The following FSIP2 variants were observed in gnomAD, a reference collection of about 807,000 sequenced individuals.
FSIP2 encodes fibrous sheath interacting protein 2.
A neutral mutation model predicts 510.5 loss-of-function variants in FSIP2; 367 were observed. That is an observed-to-expected ratio of 0.72 (90% confidence interval 0.66 to 0.78). The LOEUF (loss-of-function observed/expected upper bound fraction) is 0.78. Among genes scored for constraint, FSIP2 ranks in the 30% least tolerant of loss-of-function variants. The pLI, the probability that FSIP2 is intolerant of heterozygous loss-of-function variation, is 0.00. For missense variants in FSIP2, 7,594 were observed against 7,901.7 expected (o/e 0.96, Z 1.48); for synonymous variants, 2,601 against 2,732.2 (o/e 0.95, Z 1.50).
chr2:185,772,044 G>C (rs1692616917), intron 13 of FSIP2, among the ~76,000 whole-genome samples: 2 of 152,192 alleles, frequency 1.3e-5, no homozygotes, highest in South Asian at 4.1e-4. Context: ...ATGCAGTCAA[G>C]CTCTTTGCTA....
intron 17 of FSIP2, among the ~76,000 whole-genome samples, chr2:185,812,325 G>T (rs2105664511): frequency 6.6e-6 from 1 of 152,246 alleles, no homozygotes; most frequent in African/African-American, 2.4e-5. Flanking sequence ...TTTTGGACTT[G>T]TTTGAGGCCT....
At position 185,804,696 on chromosome 2, in the gene FSIP2, C is replaced by A; in HGVS notation, c.15390C>A (p.Phe5130Leu). Reference protein sequence around the residue: ...DMVYRLLGHVFPSTHTENELK... With the variant: ...DMVYRLLGHVLPSTHTENELK... ...TTTACAGGCTTCTAGGGCATGTCTTCCCTTCAACTCACACTGAAAATGAAC... is the reference window on the plus strand; with the variant it reads ...TTTACAGGCTTCTAGGGCATGTCTTACCTTCAACTCACACTGAAAATGAAC... Residue 5130 changes from phenylalanine (F) to leucine (L), a missense_variant, in exon 17 of 23, where the codon TTC becomes TTA. Coordinates refer to ENST00000424728, the MANE Select transcript of FSIP2 (RefSeq NM_173651.4). 6.5e-7 allele frequency: 1 copy of A among 1,530,826 alleles called. No homozygotes were observed. The highest frequency in any genetic ancestry group is 8.7e-7 in the Non-Finnish European group (1 of 1,144,338). 94.8% of individuals were successfully genotyped at this position (1,530,826 alleles called of 1,614,324 possible).
At position 185,789,993 on chromosome 2, in the gene FSIP2, A is replaced by C; in HGVS notation, c.2857A>C (p.Ser953Arg). Residue 953 changes from serine (S) to arginine (R), a missense_variant, in exon 16 of 23, where the codon AGT (serine) becomes CGT (arginine). Transcript: ENST00000424728. ...FQLHQEPVNE[S>R]FQKSRQPRIS... ...GCTCCATCAGGAACCAGTAAATGAA[A>C]GTTTTCAAAAAAGTAGGCAACCTAG... 6.5e-7 allele frequency: 1 copy of C among 1,534,160 alleles called. No homozygotes were observed. The highest frequency in any genetic ancestry group is 8.7e-7 in the Non-Finnish European group (1 of 1,145,622).
chr2:185,805,535 T>C lies in FSIP2; in HGVS notation c.16229T>C (p.Leu5410Pro). ...TGGTCTTCCACCTTCTTTTCATTTC[T>C]AAATCCAGATAATATCACCCAAAGG... is the stretch of plus-strand genomic sequence containing the variant. ...GDWSSTFFSFLNPDNITQRVQ... is the reference protein window; with the variant it reads ...GDWSSTFFSFPNPDNITQRVQ... The change falls in exon 17 of 23, where the codon CTA becomes CCA. Residue 5410 changes from leucine (L) to proline (P), a missense_variant. Leu to Pro is a moderately conservative substitution (Grantham distance 98). Coordinates refer to ENST00000424728, the MANE Select transcript of FSIP2 (RefSeq NM_173651.4). The C allele has an allele frequency of 6.2e-7, 1 of 1,611,676 alleles. No homozygotes were observed. Among genetic ancestry groups the C allele is most frequent in the Non-Finnish European group, 8.5e-7 (1 of 1,178,526 alleles).
rs768794355 is a variant in FSIP2, at chr2:185,790,302, G to A, written c.3166G>A (p.Gly1056Ser). 2.5e-5 allele frequency: 38 copies of A among 1,533,824 alleles called. No individual in the cohort carries two copies. The highest frequency in any genetic ancestry group is 3.3e-5 in the Non-Finnish European group (38 of 1,145,446). Residue 1056 changes from glycine to serine, a missense_variant, in exon 16 of 23, where the codon GGT becomes AGT. By Grantham distance (56) the Gly-to-Ser change is moderately conservative. Coordinates refer to ENST00000424728, the MANE Select transcript of FSIP2 (RefSeq NM_173651.4). ...KRNIKPPTKP[G>S]SRSKAAFHDW... ...AAATATCAAACCACCTACAAAGCCTGGTTCTAGAAGCAAAGCTGCATTTCA... is the reference window on the plus strand; with the variant it reads ...AAATATCAAACCACCTACAAAGCCTAGTTCTAGAAGCAAAGCTGCATTTCA...
chr2:185,795,277 C>T lies in FSIP2; in HGVS notation c.8141C>T (p.Ser2714Leu). ...DSRSKTAIGL[S>L]HIMSAGDAKN... ...AGATCCAAGACTGCCATTGGGTTGTCACACATCATGTCAGCTGGAGATGCC... is the reference window on the plus strand; with the variant it reads ...AGATCCAAGACTGCCATTGGGTTGTTACACATCATGTCAGCTGGAGATGCC... The change falls in exon 16 of 23, where the codon TCA becomes TTA. Residue 2714 changes from serine (S) to leucine (L), a missense_variant. By Grantham distance (145) the Ser-to-Leu change is moderately radical. Transcript: ENST00000424728. 1 of 1,535,130 alleles carries T rather than the reference C, an allele frequency of 6.5e-7. No homozygotes were observed. Among genetic ancestry groups the T allele is most frequent in the Non-Finnish European group, 8.7e-7 (1 of 1,146,296 alleles).
rs1157555339 is a variant in FSIP2 at position 185,801,178 on chromosome 2, CATA to C, written c.11877_11879del (p.Asn3959del). 1.4e-5 allele frequency: 21 copies of C among 1,533,400 alleles called. No individual in the cohort carries two copies. The highest frequency in any genetic ancestry group is 1.8e-5 in the Non-Finnish European group (21 of 1,145,044). 95.0% of individuals were successfully genotyped at this position (1,533,400 alleles called of 1,614,324 possible). The stretch of plus-strand genomic sequence containing the variant: ...AAAGGAAATGGATAAGGTAGCCATT[CATA>C]ATAAGCTACATCAGGAAGGTATATA... On this transcript the variant is annotated inframe_deletion, in exon 17 of 23. Transcript: ENST00000424728.
In FSIP2 at chr2:185,753,757, T is replaced by C. The variant is rs905084902; in HGVS notation, c.906T>C (p.His302=). ...TTCTAGAGAAAAAAATGGCTTATCA[T>C]TTACAAAAAATGCAAGATACTGGCT... ...QDLLEKKMAY[H]LQKMQDTGFN... Residue 302 remains histidine (H), a synonymous_variant, in exon 8 of 23, where the codon CAT becomes CAC. Transcript: ENST00000424728. 2 of 1,384,940 alleles carry C rather than the reference T, an allele frequency of 1.4e-6. No individual in the cohort carries two copies. The highest frequency in any genetic ancestry group is 2.9e-5 in the African/African-American group (2 of 68,722). The allele number at this position is 1,384,940 out of a possible 1,614,324, so 85.8% of individuals were successfully genotyped here.
intron 12 of FSIP2, 44 bp from the exon 13 acceptor site, chr2:185,764,458 T>A (rs2105562544): frequency 2.3e-6 from 3 of 1,286,574 alleles, no homozygotes; most frequent in Non-Finnish European, 3.2e-6. Context: ...GTCCTAAAAT[T>A]TTTTTTTGTG....
chr2:185,799,814 C>A lies in FSIP2; in HGVS notation c.10508C>A (p.Thr3503Asn). Residue 3503 changes from threonine (T) to asparagine (N), a missense_variant, in exon 17 of 23, where the codon ACT becomes AAT. Physicochemically the swap from Thr to Asn is moderately conservative, Grantham distance 65. Transcript: ENST00000424728. Reference sequence around the variant, plus strand: ...ATTTATCAATGTTGTGAACATCTCACTGAGTCAGTACTTTACCATTTAACT... The same window carrying A: ...ATTTATCAATGTTGTGAACATCTCAATGAGTCAGTACTTTACCATTTAACT... ...SSIYQCCEHL[T>N]ESVLYHLTSS... 1 of 1,531,322 alleles carries A rather than the reference C, an allele frequency of 6.5e-7. No individual in the cohort carries two copies. Among genetic ancestry groups the A allele is most frequent in the Non-Finnish European group, 8.7e-7 (1 of 1,143,726 alleles). 94.9% of individuals were successfully genotyped at this position (1,531,322 alleles called of 1,614,324 possible). A position where few individuals can be genotyped will look rare whatever the true frequency, so the allele number is the denominator to read the frequency against.
intron 20 of FSIP2, among the ~76,000 whole-genome samples, chr2:185,827,601 C>T (rs574656874): frequency 1.2e-4 from 18 of 151,866 alleles, no homozygotes; most frequent in Non-Finnish European, 2.2e-4. Flanking sequence ...TTCACGAATA[C>T]ACTGACCTCC....
chr2:185,799,947 GAGC>G lies in FSIP2; in HGVS notation c.10644_10646del (p.Ser3548del), dbSNP rs1693388552. On this transcript the variant is annotated inframe_deletion, in exon 17 of 23. Coordinates refer to ENST00000424728, the MANE Select transcript of FSIP2 (RefSeq NM_173651.4). ...TTTCAATTCATTCTCAAGTGTTTGAGAGCAGGTCAATTTCCATTGGAGAACTTG... is the reference window on the plus strand; with the variant it reads ...TTTCAATTCATTCTCAAGTGTTTGAGAGGTCAATTTCCATTGGAGAACTTG... The G allele has an allele frequency of 6.5e-7, 1 of 1,533,038 alleles. No homozygotes were observed. Among genetic ancestry groups the G allele is most frequent in the East Asian group, 2.5e-5 (1 of 40,784 alleles). 95.0% of individuals were successfully genotyped at this position (1,533,038 alleles called of 1,614,324 possible). A position where few individuals can be genotyped will look rare whatever the true frequency, so the allele number is the denominator to read the frequency against.
In FSIP2 at chr2:185,800,239, T is replaced by A; in HGVS notation, c.10933T>A (p.Cys3645Ser). The A allele has an allele frequency of 6.5e-7, 1 of 1,532,424 alleles. No homozygotes were observed. The allele number at this position is 1,532,424 out of a possible 1,614,324, so 94.9% of individuals were successfully genotyped here. A position where few individuals can be genotyped will look rare whatever the true frequency, so the allele number is the denominator to read the frequency against. The change falls in exon 17 of 23, where the codon TGC (cysteine) becomes AGC (serine). Residue 3645 changes from cysteine to serine, a missense_variant. Transcript: ENST00000424728. ...GCATAGAAATAATAGTGTACCCCTT[T>A]GCAACAAAATCAATAGACAGGCAAG... ...SMHRNNSVPL[C>S]NKINRQASPR...
intron 9 of FSIP2, among the ~76,000 whole-genome samples, chr2:185,757,841 A>G (rs1288419684): frequency 6.6e-6 from 1 of 151,278 alleles, no homozygotes; most frequent in African/African-American, 2.4e-5. Context: ...TTGTACAATT[A>G]CATGTATAAA....
At chr2:185,768,398 T>A (rs1191830716) in intron 13 of FSIP2, among the ~76,000 whole-genome samples, 2 of 152,112 alleles carry the variant, frequency 1.3e-5, no homozygotes, top group East Asian at 3.9e-4. Flanking sequence ...CTTAAGGCCT[T>A]ATGTTTATAT....
chr2:185,767,822 G>A (rs1692523528), intron 13 of FSIP2, among the ~76,000 whole-genome samples: 1 of 152,108 alleles, frequency 6.6e-6, no homozygotes, highest in Admixed American at 6.6e-5. Flanking sequence ...AAACATGAGA[G>A]TGCAGATATC....
chr2:185,786,302 A>C lies in FSIP2; in HGVS notation c.1506+14A>C. ...TTGCAAGAAAAAGTATGTATCATAAAATCCACCGAGAAAGCAACATATTAG... is the reference window on the plus strand; with the variant it reads ...TTGCAAGAAAAAGTATGTATCATAACATCCACCGAGAAAGCAACATATTAG... On this transcript the variant is annotated intron_variant, in intron 15 of 22. Coordinates refer to ENST00000424728, the MANE Select transcript of FSIP2 (RefSeq NM_173651.4). 1.3e-6 allele frequency: 2 copies of C among 1,507,670 alleles called. No homozygotes were observed. The highest frequency in any genetic ancestry group is 2.5e-5 in the East Asian group (1 of 40,614). 93.4% of individuals were successfully genotyped at this position (1,507,670 alleles called of 1,614,324 possible).
At chr2:185,767,611 C>T (rs1303409284) in intron 13 of FSIP2, among the ~76,000 whole-genome samples, 1 of 152,062 alleles carries the variant, frequency 6.6e-6, no homozygotes, top group Non-Finnish European at 1.5e-5. Flanking sequence ...TCACAAATGG[C>T]AGGATTTCCT....
At chr2:185,738,739 CT>C, upstream of FSIP2, 1 of 1,536,024 alleles carries the variant, frequency 6.5e-7, no homozygotes, top group Non-Finnish European at 8.7e-7. Context: ...CACCGCCCTT[CT>C]GGGGCCGCTA....
Sources: allele counts gnomAD v4.1 joint callset (sites outside exome capture counted in the v4.1 genomes callset), GRCh38; gene constraint gnomAD v4.1.1; transcripts MANE v1.5; gene names NCBI Gene and HGNC (gene_info 2026-07-23, HGNC 2026-07-21).